RNGTT: variants seen among roughly 807,000 people sequenced by gnomAD.
The protein encoded by RNGTT is RNA guanylyltransferase and 5'-phosphatase, also known as mRNA-capping enzyme.
Under a neutral mutation model 79.3 loss-of-function variants are expected in RNGTT, and 33 were observed. The observed-to-expected ratio is 0.42, with a 90% confidence interval of 0.32 to 0.56. The LOEUF (loss-of-function observed/expected upper bound fraction) is 0.56, where lower values mean the gene tolerates loss of function less well. Among genes scored for constraint, RNGTT ranks in the 20% least tolerant of loss-of-function variants. RNGTT has a pLI of 0.17. For missense variants in RNGTT, 497 were observed against 739.1 expected (o/e 0.67, Z 3.80); for synonymous variants, 222 against 235.9 (o/e 0.94, Z 0.54).
At chr6:88,649,570 A>G (rs997384034) in intron 14 of RNGTT, among the ~76,000 whole-genome samples, 10 of 151,850 alleles carry the variant, frequency 6.6e-5, no homozygotes, top group Admixed American at 3.9e-4. Context: ...GGTGGCGGGC[A>G]CCTGTAGTCC....
intron 12 of RNGTT, among the ~76,000 whole-genome samples, chr6:88,780,500 G>A (rs903216477): frequency 3.3e-5 from 5 of 152,060 alleles, no homozygotes; most frequent in Admixed American, 6.6e-5. Context: ...ACATGTTCTC[G>A]TGTATAGTCA....
rs1781610360 is a variant in RNGTT at position 88,849,758 on chromosome 6, G to A, written c.1101C>T (p.Phe367=). The A allele has an allele frequency of 1.3e-6, 2 of 1,533,082 alleles. No individual in the cohort carries two copies. The highest frequency in any genetic ancestry group is 1.8e-6 in the Non-Finnish European group (2 of 1,138,960). 95.0% of individuals were successfully genotyped at this position (1,533,082 alleles called of 1,614,324 possible). The change falls in exon 10 of 16, where the codon TTC becomes TTT. Residue 367 remains phenylalanine, a synonymous_variant. Transcript: ENST00000369485. ...TTTATAAATTATAGGTACTTACATT[G>A]AATTTAATTATGTCATATATCAAAT... The part of the protein sequence containing the change: ...PRYLIYDIIK[F]NSQPVGDCDF...
At chr6:88,642,889 G>A (rs2610705) in intron 14 of RNGTT, among the ~76,000 whole-genome samples, 13,091 of 152,136 alleles carry the variant, frequency 0.086, 1,922 homozygotes, top group African/African-American at 0.3. Context: ...TCATGTAATT[G>A]TTTATGCCAG....
chr6:88,708,484 C>A (rs1038819654), intron 13 of RNGTT, among the ~76,000 whole-genome samples: 1 of 152,024 alleles, frequency 6.6e-6, no homozygotes, highest in Non-Finnish European at 1.5e-5. Flanking sequence ...TCCTCCTTCC[C>A]CTGACTAAGT....
intron 11 of RNGTT, among the ~76,000 whole-genome samples, chr6:88,817,617 C>T (rs1025285304): frequency 6.6e-6 from 1 of 151,558 alleles, no homozygotes; most frequent in African/African-American, 2.4e-5. Context: ...TAATAAACCA[C>T]TCTGAACTAT....
intron 15 of RNGTT, among the ~76,000 whole-genome samples, chr6:88,613,256 CTT>C (rs1358533504): frequency 6.6e-6 from 1 of 152,220 alleles, no homozygotes; most frequent in Non-Finnish European, 1.5e-5. Flanking sequence ...GTCCTTCAAT[CTT>C]TCTCTCAGAA....
intron 13 of RNGTT, 68 bp downstream of exon 13, chr6:88,769,706 C>T (rs1462212223): frequency 3.0e-5 from 25 of 830,354 alleles, no homozygotes; most frequent in South Asian, 5.4e-5. Flanking sequence ...TATGAAATAC[C>T]CTGTAAAAGG....
At chr6:88,670,960 A>G (rs1263513280) in intron 14 of RNGTT, among the ~76,000 whole-genome samples, 4 of 152,200 alleles carry the variant, frequency 2.6e-5, no homozygotes, top group African/African-American at 4.8e-5. Context: ...ACCTTCAGGT[A>G]CTAAAAGCCA....
intron 14 of RNGTT, among the ~76,000 whole-genome samples, chr6:88,667,159 GCT>G (rs1282445193): frequency 6.6e-6 from 1 of 152,098 alleles, no homozygotes; most frequent in Non-Finnish European, 1.5e-5. Context: ...CGGCCCCTCT[GCT>G]CTCTCAGGCA....
chr6:88,914,068 C>T (rs1783919481), intron 4 of RNGTT, among the ~76,000 whole-genome samples: 1 of 152,096 alleles, frequency 6.6e-6, no homozygotes, highest in South Asian at 2.1e-4. Context: ...CCTAGGAATA[C>T]ACCCAACCAA....
intron 6 of RNGTT, among the ~76,000 whole-genome samples, chr6:88,899,256 A>G (rs1230451655): frequency 6.6e-6 from 1 of 151,922 alleles, no homozygotes; most frequent in Non-Finnish European, 1.5e-5. Context: ...AAAAGAGAGA[A>G]AGAAGGTTTC....
At chr6:88,776,968 G>A (rs1778910309) in intron 12 of RNGTT, among the ~76,000 whole-genome samples, 1 of 152,126 alleles carries the variant, frequency 6.6e-6, no homozygotes, top group South Asian at 2.1e-4. Context: ...TTTCTTCTAG[G>A]AGTTTTACAG....
intron 11 of RNGTT, among the ~76,000 whole-genome samples, chr6:88,826,278 A>C (rs1310601071): frequency 1.3e-5 from 2 of 152,174 alleles, no homozygotes; most frequent in African/African-American, 2.4e-5. Context: ...ACCATCACCA[A>C]TTGTGTACTA....
intron 11 of RNGTT, among the ~76,000 whole-genome samples, chr6:88,828,677 A>G (rs951799831): frequency 2.0e-5 from 3 of 152,102 alleles, no homozygotes; most frequent in Non-Finnish European, 2.9e-5. Context: ...TAGAATAACC[A>G]GTTTAGAGAA....
chr6:88,801,822 G>GAC (rs56124919), intron 11 of RNGTT, among the ~76,000 whole-genome samples, 190 bp from the exon 12 acceptor site: 14,892 of 123,090 alleles, frequency 0.12, 742 homozygotes, highest in Admixed American at 0.14. Context: ...CACACACACA[G>GAC]ACACACACAC....
intron 8 of RNGTT, among the ~76,000 whole-genome samples, chr6:88,883,645 T>G (rs914842129): frequency 6.6e-6 from 1 of 152,152 alleles, no homozygotes; most frequent in Non-Finnish European, 1.5e-5. Flanking sequence ...AGATTGCCTA[T>G]AATTTAAAAA....
At chr6:88,652,109 A>C (rs912997068) in intron 14 of RNGTT, among the ~76,000 whole-genome samples, 1 of 152,182 alleles carries the variant, frequency 6.6e-6, no homozygotes, top group Non-Finnish European at 1.5e-5. Context: ...CAGATGAATG[A>C]TCACTTGTGA....
intron 1 of RNGTT, among the ~76,000 whole-genome samples, chr6:88,958,977 G>C (rs528276974): frequency 6.6e-6 from 1 of 152,228 alleles, no homozygotes; most frequent in South Asian, 2.1e-4. Context: ...GAACCAATGA[G>C]TGGATAAAGA....
At chr6:88,718,892 A>T (rs549116589) in intron 13 of RNGTT, among the ~76,000 whole-genome samples, 1 of 152,226 alleles carries the variant, frequency 6.6e-6, no homozygotes, top group Non-Finnish European at 1.5e-5. Flanking sequence ...TTTAGTTGAT[A>T]TATTTCTTTT....
Sources: allele counts gnomAD v4.1 joint callset (sites outside exome capture counted in the v4.1 genomes callset), GRCh38; gene constraint gnomAD v4.1.1; transcripts MANE v1.5; gene names NCBI Gene and HGNC (gene_info 2026-07-23, HGNC 2026-07-21).